SCARB2: variants seen among roughly 807,000 people sequenced by gnomAD.
SCARB2 encodes scavenger receptor class B member 2, also known as lysosome membrane protein 2.
SCARB2 carries 29 observed loss-of-function variants against 58.6 expected under a neutral mutation model. The ratio of observed to expected loss-of-function variants is 0.49; its 90% CI spans 0.37 to 0.67. The LOEUF (loss-of-function observed/expected upper bound fraction) is 0.67. Ranked by LOEUF, SCARB2 falls within the 30% of genes least tolerant of loss-of-function variation. The probability of loss-of-function intolerance (pLI) is 0.00; values close to 1 mark genes in which losing one functional copy is unlikely to be tolerated. For synonymous variants in SCARB2, 195 were observed against 210.1 expected (o/e 0.93, Z 0.62); for missense variants, 488 against 578.5 (o/e 0.84, Z 1.60).
At chr4:76,174,033 G>GCA (rs1732191588) in intron 7 of SCARB2, 111 bp downstream of exon 7, 1 of 1,345,666 alleles carries the variant, frequency 7.4e-7, no homozygotes, top group South Asian at 1.2e-5. Flanking sequence ...AGCATCCTTA[G>GCA]TAGCTGGGAC....
intron 1 of SCARB2, among the ~76,000 whole-genome samples, chr4:76,196,283 G>A (rs1166463625): frequency 2.0e-5 from 3 of 152,212 alleles, no homozygotes; most frequent in Admixed American, 2.0e-4. Context: ...AACCTGGGAG[G>A]TGGAGGTTGC....
chr4:76,164,791 C>CAAAA (rs35163860), intron 10 of SCARB2: 2 of 105,386 alleles, frequency 1.9e-5, no homozygotes, highest in East Asian at 2.5e-4. Context: ...GACCTTGTCT[C>CAAAA]AAAAAAAAAA....
At chr4:76,167,682 C>CG (rs1732039088) in intron 9 of SCARB2, among the ~76,000 whole-genome samples, 1 of 103,964 alleles carries the variant, frequency 9.6e-6, no homozygotes, top group South Asian at 3.6e-4. Flanking sequence ...TCCCCCCCCC[C>CG]GCTTTTTTTT....
At chr4:76,166,391 G>A (rs1732010149) in intron 9 of SCARB2, 90 bp from the exon 10 acceptor site, 4 of 1,315,628 alleles carry the variant, frequency 3.0e-6, no homozygotes, top group Admixed American at 1.7e-5. Flanking sequence ...GAAGATTCTA[G>A]TACACTTATT....
intron 1 of SCARB2, among the ~76,000 whole-genome samples, chr4:76,206,751 G>A (rs1357236576): frequency 2.0e-5 from 3 of 151,320 alleles, no homozygotes; most frequent in Non-Finnish European, 4.4e-5. Context: ...GCAGGGCTGA[G>A]GCCAGAAGGG....
intron 1 of SCARB2, 142 bp from the exon 2 acceptor site, chr4:76,196,006 C>A (rs1732704770): frequency 8.1e-6 from 5 of 619,606 alleles, no homozygotes; most frequent in Non-Finnish European, 1.4e-5. Context: ...ACTGCAGTCT[C>A]CTGAGAACAG....
At chr4:76,206,580 A>G (rs1732934790) in intron 1 of SCARB2, among the ~76,000 whole-genome samples, 1 of 152,026 alleles carries the variant, frequency 6.6e-6, no homozygotes, top group African/African-American at 2.4e-5. Flanking sequence ...TATTTTCTCT[A>G]TTCATCCAAG....
At position 76,160,385 on chromosome 4, in the gene SCARB2, T is replaced by A. The variant is rs893683924; in HGVS notation, c.*1328A>T. 6.6e-6 allele frequency: 1 copy of A among 152,180 alleles called. No homozygotes were observed. Among genetic ancestry groups the A allele is most frequent in the Non-Finnish European group, 1.5e-5 (1 of 68,032 alleles). 9.4% of individuals were successfully genotyped at this position (152,180 alleles called of 1,614,324 possible). ...GAGAATCAAAGAAAATGCCCTTAAA[T>A]ATGCTTGAATTCTGAACACTGTGAC... On this transcript the variant is annotated 3_prime_UTR_variant, in exon 12 of 12. Transcript: ENST00000264896.
At chr4:76,168,836 C>G (rs1386683993) in intron 8 of SCARB2, among the ~76,000 whole-genome samples, 1 of 152,202 alleles carries the variant, frequency 6.6e-6, no homozygotes, top group African/African-American at 2.4e-5. Flanking sequence ...TAAAAGATAG[C>G]CTGTCAGGTC....
chr4:76,191,502 C>T (rs1322540933), intron 2 of SCARB2, among the ~76,000 whole-genome samples: 2 of 151,730 alleles, frequency 1.3e-5, no homozygotes, highest in Non-Finnish European at 2.9e-5. Flanking sequence ...AAGTGTGGCA[C>T]CTCTCCCCTC....
chr4:76,181,691 A>C (rs866760366), intron 2 of SCARB2, among the ~76,000 whole-genome samples: 1 of 152,224 alleles, frequency 6.6e-6, no homozygotes, highest in South Asian at 2.1e-4. Flanking sequence ...CAGCCTCCCA[A>C]GTAGCTAGAA....
chr4:76,180,484 C>T (rs7676834), intron 3 of SCARB2: 9 of 153,894 alleles, frequency 5.8e-5, no homozygotes, highest in African/African-American at 2.2e-4. Flanking sequence ...ACAGAGCCCA[C>T]TGAAATCACA....
At chr4:76,232,163 C>T (rs1733504162) in intron 1 of SCARB2, among the ~76,000 whole-genome samples, 1 of 152,116 alleles carries the variant, frequency 6.6e-6, no homozygotes, top group East Asian at 1.9e-4. Flanking sequence ...ATAAATAGTT[C>T]AAAATAAGTT....
chr4:76,231,689 CAG>C (rs1733496343), intron 1 of SCARB2, among the ~76,000 whole-genome samples: 1 of 152,186 alleles, frequency 6.6e-6, no homozygotes, highest in Admixed American at 6.5e-5. Flanking sequence ...CACAAGGAAT[CAG>C]ATAAGACCTT....
chr4:76,175,786 T>C lies in SCARB2; in HGVS notation c.824+5A>G. ...TGAAAAAGAACTTATCTTTAAAGCTTTTACCTGCAAAAGTCAGATGGGAAG... is the reference window on the plus strand; with the variant it reads ...TGAAAAAGAACTTATCTTTAAAGCTCTTACCTGCAAAAGTCAGATGGGAAG... On this transcript the variant is annotated splice_donor_5th_base_variant and intron_variant, in intron 6 of 11. Coordinates refer to ENST00000264896, the MANE Select transcript of SCARB2 (RefSeq NM_005506.4). 1 of 1,613,942 alleles carries C rather than the reference T, an allele frequency of 6.2e-7. No individual in the cohort carries two copies. Among genetic ancestry groups the C allele is most frequent in the South Asian group, 1.1e-5 (1 of 91,074 alleles).
rs752868099 is a variant in SCARB2 at position 76,161,680 on chromosome 4, TCA to T, written c.*31_*32del. ...ACGTCATCGTCCAGGTCAGGACAGC[TCA>T]CACAGTTTCTTCACCAAGCAAAGGC... On this transcript the variant is annotated 3_prime_UTR_variant, in exon 12 of 12. Transcript: ENST00000264896. 16 of 1,612,722 alleles carry T rather than the reference TCA, an allele frequency of 9.9e-6. No individual in the cohort carries two copies. Among genetic ancestry groups the T allele is most frequent in the East Asian group, 4.5e-5 (2 of 44,862 alleles).
At chr4:76,183,463 CACTT>C (rs1732426194) in intron 2 of SCARB2, among the ~76,000 whole-genome samples, 1 of 152,184 alleles carries the variant, frequency 6.6e-6, no homozygotes, top group Non-Finnish European at 1.5e-5. Context: ...CTCAGGGAAA[CACTT>C]ACATTTTATT....
intron 1 of SCARB2, among the ~76,000 whole-genome samples, chr4:76,206,595 A>G (rs1024482518): frequency 1.4e-4 from 21 of 152,060 alleles, no homozygotes; most frequent in African/African-American, 4.8e-4. Context: ...TCCAAGTAAC[A>G]CTTACTGACC....
chr4:76,172,782 T>G (rs1386904209), intron 7 of SCARB2: 3 of 151,840 alleles, frequency 2.0e-5, no homozygotes, highest in Admixed American at 1.3e-4. Context: ...CCTGAGTAGC[T>G]GGGTCTACAG....
Sources: allele counts gnomAD v4.1 joint callset (sites outside exome capture counted in the v4.1 genomes callset), GRCh38; gene constraint gnomAD v4.1.1; transcripts MANE v1.5; gene names NCBI Gene and HGNC (gene_info 2026-07-23, HGNC 2026-07-21).